The following DNAJC13 variants were observed in gnomAD, a reference collection of about 807,000 sequenced individuals.
DNAJC13 encodes the protein dnaJ homolog subfamily C member 13.
DNAJC13 carries 75 observed loss-of-function variants against 290.5 expected under a neutral mutation model. That is an observed-to-expected ratio of 0.26 (90% CI 0.21 to 0.31). The LOEUF (loss-of-function observed/expected upper bound fraction) is 0.31. DNAJC13 is among the 10% of genes least tolerant of loss of function. The pLI is 1.00. For synonymous variants in DNAJC13, 862 were observed against 892.0 expected (o/e 0.97, Z 0.60); for missense variants, 2,260 against 2,674.5 (o/e 0.85, Z 3.42).
At chr3:132,508,144 C>A (rs1362923618) in intron 43 of DNAJC13, among the ~76,000 whole-genome samples, 1 of 152,192 alleles carries the variant, frequency 6.6e-6, no homozygotes, top group African/African-American at 2.4e-5. Context: ...GAGAGCAAGG[C>A]TGTAACTCTC....
In DNAJC13 at chr3:132,460,314, A is replaced by C. The variant is rs754168475; in HGVS notation, c.1514A>C (p.Lys505Thr). 17 of 1,613,138 alleles carry C rather than the reference A, an allele frequency of 1.1e-5. No individual in the cohort carries two copies. In the South Asian group the frequency reaches 1.9e-4, roughly 18 times the overall value. ...AACAAAGCTTCTCTTCTCTCGTCAA[A>C]GAAGTTTCTGGAAAACTTACTGGAG... ...QLNKASLLSS[K>T]KFLENLLEKF... Residue 505 changes from lysine to threonine, a missense_variant, in exon 14 of 56, where the codon AAG (lysine) becomes ACG (threonine). Lys to Thr is a moderately conservative substitution (Grantham distance 78, BLOSUM62 -1). Around this residue, in one of 3 missense-constraint regions of DNAJC13, gnomAD observed 762 missense variants for 964.1 expected, o/e 0.79. Transcript: ENST00000260818.
intron 30 of DNAJC13, 110 bp from the exon 31 acceptor site, chr3:132,488,866 T>C: frequency 1.4e-6 from 1 of 736,352 alleles, no homozygotes; most frequent in South Asian, 1.8e-5. Context: ...TTATGTGAGT[T>C]GCCATTTGTG....
intron 36 of DNAJC13, among the ~76,000 whole-genome samples, chr3:132,497,014 T>C (rs558071273): frequency 1.2e-4 from 19 of 152,336 alleles, no homozygotes; most frequent in African/African-American, 4.6e-4. Context: ...TTTTCTTAAA[T>C]GGCATATGAA....
At chr3:132,495,985 CAAG>C (rs1935223308) in intron 35 of DNAJC13, among the ~76,000 whole-genome samples, 1 of 152,082 alleles carries the variant, frequency 6.6e-6, no homozygotes, top group African/African-American at 2.4e-5. Context: ...GATACTGACA[CAAG>C]AATCTACATA....
intron 2 of DNAJC13, among the ~76,000 whole-genome samples, chr3:132,442,105 A>G (rs1345030004): frequency 6.6e-6 from 1 of 151,570 alleles, no homozygotes; most frequent in Non-Finnish European, 1.5e-5. Flanking sequence ...GTAAAAAAAA[A>G]TCATGCTATA....
At chr3:132,440,810 C>T (rs1245445969) in intron 2 of DNAJC13, among the ~76,000 whole-genome samples, 2 of 152,170 alleles carry the variant, frequency 1.3e-5, no homozygotes, top group African/African-American at 2.4e-5. Context: ...ATGTATTATC[C>T]ATATCTTTCA....
At chr3:132,439,383 C>T (rs932776198) in intron 2 of DNAJC13, among the ~76,000 whole-genome samples, 4 of 151,538 alleles carry the variant, frequency 2.6e-5, no homozygotes, top group Admixed American at 2.0e-4. Context: ...TGCTGCCTGG[C>T]ATTTACACAC....
intron 55 of DNAJC13, among the ~76,000 whole-genome samples, chr3:132,535,360 T>G (rs1434611175): frequency 6.6e-6 from 1 of 152,226 alleles, no homozygotes; most frequent in African/African-American, 2.4e-5. Flanking sequence ...TTCTCTAGCC[T>G]GGCATATTTT....
chr3:132,435,888 C>CT (rs953609868), intron 2 of DNAJC13, among the ~76,000 whole-genome samples: 1 of 152,144 alleles, frequency 6.6e-6, no homozygotes, highest in African/African-American at 2.4e-5. Context: ...TTGTAAGTAA[C>CT]TGTGATCATC....
At chr3:132,504,096 C>G (rs1935510263) in intron 41 of DNAJC13, among the ~76,000 whole-genome samples, 1 of 151,666 alleles carries the variant, frequency 6.6e-6, no homozygotes, top group African/African-American at 2.4e-5. Flanking sequence ...TGTAATTATT[C>G]CTGAATGGCA....
At chr3:132,471,847 G>A (rs899046200) in intron 20 of DNAJC13, among the ~76,000 whole-genome samples, 4 of 147,556 alleles carry the variant, frequency 2.7e-5, no homozygotes, top group East Asian at 2.0e-4. Context: ...ACGGGGTGGC[G>A]GCCGGGCAGA....
rs1398134017 is a variant in DNAJC13, at chr3:132,511,047, T to A, written c.5116-20T>A. 1 of 1,610,034 alleles carries A rather than the reference T, an allele frequency of 6.2e-7. No individual in the cohort carries two copies. The highest frequency in any genetic ancestry group is 1.7e-5 in the Admixed American group (1 of 59,594). ...TCTTAGGGCACCCATGTTGTTTAAA[T>A]ACTTGTCTGCATTGATTAGGTTCCA... On this transcript the variant is annotated intron_variant, in intron 43 of 55. Transcript: ENST00000260818.
chr3:132,502,009 T>C (rs1935431702), intron 39 of DNAJC13, among the ~76,000 whole-genome samples: 1 of 152,262 alleles, frequency 6.6e-6, no homozygotes, highest in Admixed American at 6.5e-5. Flanking sequence ...TTTTTAAAAA[T>C]TAAAAATACA....
chr3:132,482,038 T>C (rs1934693543), intron 26 of DNAJC13, among the ~76,000 whole-genome samples, 188 bp from the exon 27 acceptor site: 1 of 152,188 alleles, frequency 6.6e-6, no homozygotes, highest in Admixed American at 6.5e-5. Flanking sequence ...GAAATAGTTT[T>C]TTTGGACTGT....
At chr3:132,447,206 C>T (rs777032360) in intron 3 of DNAJC13, 115 bp from the exon 4 acceptor site, 3 of 919,950 alleles carry the variant, frequency 3.3e-6, no homozygotes, top group Non-Finnish European at 4.5e-6. Flanking sequence ...TTTCTAGACT[C>T]TATTTTATAA....
At chr3:132,435,513 A>G (rs558627031) in intron 2 of DNAJC13, among the ~76,000 whole-genome samples, 5 of 152,336 alleles carry the variant, frequency 3.3e-5, no homozygotes, top group African/African-American at 1.2e-4. Flanking sequence ...TCTGGTTTGC[A>G]TTAGCAAACT....
At chr3:132,459,282 C>T (rs569922452) in intron 13 of DNAJC13, among the ~76,000 whole-genome samples, 44 of 151,844 alleles carry the variant, frequency 2.9e-4, no homozygotes, top group African/African-American at 9.0e-4. Context: ...AATTCTGACA[C>T]GTTTTGCAAC....
In DNAJC13 at chr3:132,499,215, T is replaced by A. The variant is rs751450725; in HGVS notation, c.4246T>A (p.Ser1416Thr). ...AGATGACCTCCTTTTCTCAAAAGAA[T>A]CACCATTGTTGCCTGCGGCTACAGA... ...TSDDLLFSKESPLLPAATELA... is the reference protein window; with the variant it reads ...TSDDLLFSKETPLLPAATELA... Residue 1416 changes from serine to threonine, a missense_variant, in exon 37 of 56, where the codon TCA becomes ACA. By Grantham distance (58) the Ser-to-Thr change is moderately conservative. This residue lies in a region of DNAJC13 where 1,494 missense variants were observed against 1,693.7 expected (regional missense o/e 0.88). Coordinates refer to ENST00000260818, the MANE Select transcript of DNAJC13 (RefSeq NM_015268.4). 20 of 1,614,032 alleles carry A rather than the reference T, an allele frequency of 1.2e-5. No homozygotes were observed. The highest frequency in any genetic ancestry group is 2.5e-6 in the Non-Finnish European group (3 of 1,180,008).
chr3:132,428,518 C>T (rs1209080984), intron 1 of DNAJC13, among the ~76,000 whole-genome samples: 1 of 152,038 alleles, frequency 6.6e-6, no homozygotes, highest in Non-Finnish European at 1.5e-5. Context: ...CCATGTTGCC[C>T]AGGCTGGTCT....
Sources: gnomAD v4.1 joint callset for allele counts (sites outside exome capture counted in the v4.1 genomes callset) on GRCh38, gnomAD v4.1.1 for gene constraint, gnomAD v4.1.1 regional missense constraint, MANE v1.5 for transcripts, NCBI Gene and HGNC (gene_info 2026-07-23, HGNC 2026-07-21) for gene names.